Variants in SPATA17 observed in about 807,000 individuals in gnomAD.
SPATA17 encodes the protein spermatogenesis associated 17.
SPATA17 carries 53 observed loss-of-function variants against 62.2 expected under a neutral mutation model. The observed-to-expected ratio is 0.85, with a 90% CI of 0.68 to 1.07. SPATA17 has a LOEUF of 1.07. Among genes scored for constraint, SPATA17 ranks in the 50% least tolerant of loss-of-function variants. The probability of loss-of-function intolerance (pLI) is 0.00; values close to 1 mark genes in which losing one functional copy is unlikely to be tolerated. For missense variants in SPATA17, 466 were observed against 425.5 expected, an observed-to-expected ratio of 1.10 and a Z score of -0.84; for synonymous variants, 146 against 146.8, an observed-to-expected ratio of 0.99 and a Z score of 0.04.
chr1:217,722,398 CATT>C (rs1264465722), intron 5 of SPATA17, among the ~76,000 whole-genome samples: 1 of 151,898 alleles, frequency 6.6e-6, no homozygotes, highest in Non-Finnish European at 1.5e-5. Context: ...ATCGGCTCCA[CATT>C]ATTTTCTGTA....
At chr1:217,755,591 G>T (rs763689398) in intron 6 of SPATA17, among the ~76,000 whole-genome samples, 3 of 151,906 alleles carry the variant, frequency 2.0e-5, no homozygotes, top group Non-Finnish European at 4.4e-5. Flanking sequence ...TTGAATTTCA[G>T]AGTTTTTTCT....
At chr1:217,815,534 G>C (rs1215491184) in intron 9 of SPATA17, among the ~76,000 whole-genome samples, 1 of 152,172 alleles carries the variant, frequency 6.6e-6, no homozygotes, top group East Asian at 1.9e-4. Flanking sequence ...GTCAAAGAAT[G>C]TGATGGGTAG....
At chr1:217,819,366 CT>C (rs1346347265) in intron 9 of SPATA17, among the ~76,000 whole-genome samples, 1 of 151,460 alleles carries the variant, frequency 6.6e-6, no homozygotes, top group East Asian at 1.9e-4. Context: ...CTGCAGGATC[CT>C]TTTTTTTCCA....
intron 6 of SPATA17, among the ~76,000 whole-genome samples, chr1:217,749,040 C>T (rs1672835741): frequency 6.6e-6 from 1 of 152,084 alleles, no homozygotes; most frequent in Non-Finnish European, 1.5e-5. Context: ...GTGGGTATTG[C>T]ATTGCACATT....
intron 9 of SPATA17, among the ~76,000 whole-genome samples, chr1:217,835,114 TA>T (rs1202851957): frequency 2.6e-5 from 4 of 152,156 alleles, no homozygotes; most frequent in Non-Finnish European, 5.9e-5. Flanking sequence ...GATGTTCACA[TA>T]ATGAGTAAAT....
At position 217,648,963 on chromosome 1, in the gene SPATA17, A is replaced by G; in HGVS notation, c.150A>G (p.Ala50=). ...GGTTTCGAGGATGTCAAGTTCGGGC[A>G]TATATCAGGTATATTGCTTTTGTCA... ...QSWFRGCQVR[A]YIRHLNRIVT... is the part of the protein sequence containing the mutation. Residue 50 remains alanine (A), a synonymous_variant, in exon 2 of 11, where the codon GCA becomes GCG. Coordinates refer to ENST00000366933, the MANE Select transcript of SPATA17 (RefSeq NM_138796.4). The G allele has an allele frequency of 3.7e-6, 6 of 1,608,622 alleles. No individual in the cohort carries two copies. The highest frequency in any genetic ancestry group is 5.1e-6 in the Non-Finnish European group (6 of 1,177,384).
At chr1:217,653,300 G>A (rs960524498) in intron 3 of SPATA17, among the ~76,000 whole-genome samples, 2 of 152,110 alleles carry the variant, frequency 1.3e-5, no homozygotes, top group South Asian at 2.1e-4. Flanking sequence ...CTTTAAATCT[G>A]TACTTATAAT....
Position 217,648,972 on chromosome 1 carries a change from G to T in SPATA17, c.158+1G>T. The T allele has an allele frequency of 6.3e-7, 1 of 1,596,274 alleles. No individual in the cohort carries two copies. Among genetic ancestry groups the T allele is most frequent in the Non-Finnish European group, 8.5e-7 (1 of 1,172,160 alleles). ...GATGTCAAGTTCGGGCATATATCAGGTATATTGCTTTTGTCATGGAAACCT... is the reference window on the plus strand; with the variant it reads ...GATGTCAAGTTCGGGCATATATCAGTTATATTGCTTTTGTCATGGAAACCT... On this transcript the variant is annotated splice_donor_variant, in intron 2 of 10. Transcript: ENST00000366933. LOFTEE classifies it high-confidence loss of function.
chr1:217,842,855 C>G (rs1001795380), intron 9 of SPATA17, among the ~76,000 whole-genome samples: 1 of 151,742 alleles, frequency 6.6e-6, no homozygotes, highest in Non-Finnish European at 1.5e-5. Flanking sequence ...TTATTTTCAC[C>G]CTTTATTTTT....
At chr1:217,684,526 T>A (rs922156523) in intron 5 of SPATA17, among the ~76,000 whole-genome samples, 1 of 152,128 alleles carries the variant, frequency 6.6e-6, no homozygotes, top group Non-Finnish European at 1.5e-5. Context: ...GTGATTCTTG[T>A]GCCTCAGCCT....
At chr1:217,704,054 G>A (rs1160538135) in intron 5 of SPATA17, among the ~76,000 whole-genome samples, 1 of 150,000 alleles carries the variant, frequency 6.7e-6, no homozygotes, top group Admixed American at 6.6e-5. Flanking sequence ...TTTTGTTGTT[G>A]TTGTTTCTTG....
rs1171951745 is a variant in SPATA17 at position 217,862,761 on chromosome 1, T to G, written c.1006-13T>G. 5 of 1,584,100 alleles carry G rather than the reference T, an allele frequency of 3.2e-6. No homozygotes were observed. The East Asian group carries it at 9.0e-5, about 28-fold the overall frequency. On this transcript the variant is annotated splice_polypyrimidine_tract_variant and intron_variant, in intron 9 of 10. Transcript: ENST00000366933. ...AAGATCTCTGTGGTAATCTTTGAACTTTTTCCTCCTAGGATTTCCAGACTG... is the reference window on the plus strand; with the variant it reads ...AAGATCTCTGTGGTAATCTTTGAACGTTTTCCTCCTAGGATTTCCAGACTG...
intron 9 of SPATA17, among the ~76,000 whole-genome samples, chr1:217,854,522 A>G (rs995071657): frequency 4.6e-5 from 7 of 152,118 alleles, no homozygotes; most frequent in Non-Finnish European, 8.8e-5. Context: ...AGGCCCTGTG[A>G]TGGTACTGGG....
chr1:217,722,454 A>G (rs890891605), intron 5 of SPATA17, among the ~76,000 whole-genome samples: 1 of 152,042 alleles, frequency 6.6e-6, no homozygotes, highest in African/African-American at 2.4e-5. Context: ...AAACTTTAAA[A>G]CATATAGAAA....
chr1:217,804,366 A>G (rs147630231), intron 9 of SPATA17, among the ~76,000 whole-genome samples: 1 of 152,216 alleles, frequency 6.6e-6, no homozygotes, highest in African/African-American at 2.4e-5. Flanking sequence ...GAAGAATGAA[A>G]GTGGATCCTT....
At chr1:217,690,744 G>A (rs1179170106) in intron 5 of SPATA17, among the ~76,000 whole-genome samples, 1 of 120,276 alleles carries the variant, frequency 8.3e-6, no homozygotes, top group Non-Finnish European at 1.7e-5. Flanking sequence ...GCGGTGTTTG[G>A]TTTTTTGTTC....
At chr1:217,776,435 G>T (rs924046619) in intron 7 of SPATA17, among the ~76,000 whole-genome samples, 1 of 152,058 alleles carries the variant, frequency 6.6e-6, no homozygotes, top group Admixed American at 6.5e-5. Context: ...AAAATCTAAT[G>T]GGTTAAACCA....
At chr1:217,723,789 G>C (rs1672195272) in intron 5 of SPATA17, among the ~76,000 whole-genome samples, 1 of 152,202 alleles carries the variant, frequency 6.6e-6, no homozygotes, top group Non-Finnish European at 1.5e-5. Context: ...TAGTAATATG[G>C]AATACAGTAT....
At chr1:217,735,977 A>G (rs190791644) in intron 5 of SPATA17, among the ~76,000 whole-genome samples, 42 of 151,712 alleles carry the variant, frequency 2.8e-4, no homozygotes, top group Non-Finnish European at 4.9e-4. Context: ...ATGAGTTTAG[A>G]TTTTTTATCT....
Sources: gnomAD v4.1 joint callset for allele counts (sites outside exome capture counted in the v4.1 genomes callset) on GRCh38, gnomAD v4.1.1 for gene constraint, MANE v1.5 for transcripts, NCBI Gene and HGNC (gene_info 2026-07-23, HGNC 2026-07-21) for gene names.